NALCN: variants seen among roughly 807,000 people sequenced by gnomAD.
The protein encoded by NALCN is sodium leak channel NALCN.
A neutral mutation model predicts 225.3 loss-of-function variants in NALCN; 111 were observed. That is an observed-to-expected ratio of 0.49 (90% CI 0.42 to 0.58). The LOEUF (loss-of-function observed/expected upper bound fraction) is 0.58, where lower values mean the gene tolerates loss of function less well. Among genes scored for constraint, NALCN ranks in the 20% least tolerant of loss-of-function variants. NALCN has a pLI of 0.00. For synonymous variants in NALCN, 764 were observed against 769.0 expected (o/e 0.99, Z 0.11); for missense variants, 1,378 against 2,202.4 (o/e 0.63, Z 7.49).
At chr13:101,174,216 T>C (rs1193562130) in intron 15 of NALCN, among the ~76,000 whole-genome samples, 3 of 152,144 alleles carry the variant, frequency 2.0e-5, no homozygotes, top group Non-Finnish European at 2.9e-5. Context: ...TAAAGAATAG[T>C]GTAAAAAGTA....
intron 18 of NALCN, among the ~76,000 whole-genome samples, chr13:101,123,665 T>C (rs774909585): frequency 1.3e-5 from 2 of 152,208 alleles, no homozygotes; most frequent in Non-Finnish European, 2.9e-5. Flanking sequence ...TCAGCCAATA[T>C]TGAGAGAAAT....
intron 14 of NALCN, among the ~76,000 whole-genome samples, chr13:101,189,238 A>G (rs2039581150): frequency 6.6e-6 from 1 of 152,284 alleles, no homozygotes; most frequent in Admixed American, 6.5e-5. Flanking sequence ...AAATTATCAG[A>G]GTCATTGCCT....
intron 10 of NALCN, among the ~76,000 whole-genome samples, chr13:101,280,882 C>T (rs508363): frequency 0.28 from 30,039 of 108,222 alleles, 4,309 homozygotes; most frequent in Non-Finnish European, 0.36. Context: ...CTCTCTCTCT[C>T]TTTTTTTTTT....
Position 101,080,632 on chromosome 13 carries a change from A to G in NALCN, c.3885+895T>C, listed in dbSNP as rs1437054272. ...ATATAATCAATTAAATTAATTATTT[A>G]ATTAAATATATTAATATATAATATA... is the stretch of plus-strand genomic sequence containing the variant. On this transcript the variant is annotated intron_variant, in intron 34 of 43. Coordinates refer to ENST00000251127, the MANE Select transcript of NALCN (RefSeq NM_052867.4). Among the ~76,000 whole-genome samples, 4 of 141,218 alleles carry G rather than the reference A, an allele frequency of 2.8e-5. No individual in the cohort carries two copies. In the Admixed American group the frequency reaches 2.8e-4, roughly 10 times the overall value. The allele number at this position is 141,218 out of a possible 152,430, so 92.6% of individuals were successfully genotyped here.
chr13:101,070,090 G>A (rs1276147773), intron 37 of NALCN, among the ~76,000 whole-genome samples: 7 of 10,290 alleles, frequency 6.8e-4, no homozygotes, highest in South Asian at 3.6e-3. Context: ...TTTTTGAGAC[G>A]GAGTCTCACT....
chr13:101,134,654 T>C (rs1009962336), intron 17 of NALCN, among the ~76,000 whole-genome samples: 2 of 152,158 alleles, frequency 1.3e-5, no homozygotes, highest in Non-Finnish European at 2.9e-5. Context: ...TCAACTAACT[T>C]GATATATAGG....
At chr13:101,304,870 C>T (rs551452818) in intron 7 of NALCN, among the ~76,000 whole-genome samples, 89 of 151,604 alleles carry the variant, frequency 5.9e-4, no homozygotes, top group Admixed American at 5.5e-3. Flanking sequence ...ATTCTCCTGC[C>T]TCAGCCTCCC....
Position 101,089,070 on chromosome 13 carries a change from G to C in NALCN, c.3489+593C>G, listed in dbSNP as rs2034081114. Among the ~76,000 whole-genome samples the C allele has an allele frequency of 6.6e-6, 1 of 151,766 alleles. No homozygotes were observed. On this transcript the variant is annotated intron_variant, in intron 30 of 43. Transcript: ENST00000251127. This position sits in a 1 kb window ranked among gnomAD's most constrained non-coding sequence, Gnocchi z 4.7. The stretch of plus-strand genomic sequence containing the variant: ...GCGCCACCACGCCCGGCTAATTTTT[G>C]TATTTTTAGTAGAGACAGGGTTTCA...
At chr13:101,127,042 A>C (rs1022671989) in intron 17 of NALCN, among the ~76,000 whole-genome samples, 1 of 152,194 alleles carries the variant, frequency 6.6e-6, no homozygotes, top group Non-Finnish European at 1.5e-5. Context: ...AAGGACAATG[A>C]CATGTGTTAG....
intron 16 of NALCN, 75 bp from the exon 17 acceptor site, chr13:101,143,296 G>A (rs2037186014): frequency 1.4e-6 from 2 of 1,445,090 alleles, no homozygotes; most frequent in Non-Finnish European, 1.9e-6. Flanking sequence ...GCAATGATGA[G>A]TTTGCTTGAG....
In NALCN at chr13:101,104,968, T is replaced by C. The variant is rs748926675; in HGVS notation, c.2580-18A>G. On this transcript the variant is annotated intron_variant, in intron 22 of 43. Transcript: ENST00000251127. This position sits in a 1 kb window ranked among gnomAD's most constrained non-coding sequence, Gnocchi z 4.2. Reference sequence around the variant, plus strand: ...TTTTAGATCTGTAAGAGAACACATATATAAAATTCTGCAACAAAGCAAGCA... The same window carrying C: ...TTTTAGATCTGTAAGAGAACACATACATAAAATTCTGCAACAAAGCAAGCA... The C allele has an allele frequency of 3.7e-5, 60 of 1,608,156 alleles. No homozygotes were observed. The South Asian group carries it at 6.0e-4, about 16-fold the overall frequency.
At chr13:101,169,399 G>A (rs1340535185) in intron 15 of NALCN, among the ~76,000 whole-genome samples, 3 of 152,118 alleles carry the variant, frequency 2.0e-5, no homozygotes, top group African/African-American at 7.2e-5. Flanking sequence ...TGCAGAATGT[G>A]CAGGTTTGTT....
At chr13:101,288,361 T>G (rs1267334441) in intron 9 of NALCN, among the ~76,000 whole-genome samples, 2 of 152,252 alleles carry the variant, frequency 1.3e-5, no homozygotes, top group Non-Finnish European at 2.9e-5. Context: ...AGTATTTTCT[T>G]TGAGCATTAA....
chr13:101,082,772 AC>A (rs1207969699), intron 33 of NALCN, 36 bp downstream of exon 33: 7 of 1,606,328 alleles, frequency 4.4e-6, no homozygotes, highest in Non-Finnish European at 6.0e-6. Flanking sequence ...AAAACTGTGC[AC>A]AGATTCCCCC....
rs776595371 is a variant in NALCN, at chr13:101,107,742, T to C, written c.2412A>G (p.Glu804=). ...CCTTTTTTTCCTGAATCATCTTTAT[T>C]TCACTGTCTTCTCTTTGTGCATTTC... ...RYRNAQREDS[E]IKMIQEKKEQ... The change falls in exon 21 of 44, where the codon GAA becomes GAG. Residue 804 remains glutamate (E), a synonymous_variant. Coordinates refer to ENST00000251127, the MANE Select transcript of NALCN (RefSeq NM_052867.4). 6 of 1,613,878 alleles carry C rather than the reference T, an allele frequency of 3.7e-6. No individual in the cohort carries two copies. Among genetic ancestry groups the C allele is most frequent in the Non-Finnish European group, 5.1e-6 (6 of 1,179,912 alleles).
intron 17 of NALCN, among the ~76,000 whole-genome samples, chr13:101,134,939 A>C (rs1269286990): frequency 6.6e-6 from 1 of 152,220 alleles, no homozygotes; most frequent in Non-Finnish European, 1.5e-5. Flanking sequence ...TCACGCCTGT[A>C]GTCCCAGCAC....
intron 11 of NALCN, among the ~76,000 whole-genome samples, chr13:101,250,860 C>T (rs1347576501): frequency 1.3e-5 from 2 of 151,326 alleles, no homozygotes; most frequent in Admixed American, 6.6e-5. Context: ...ACAGATTAAA[C>T]AGGCAAAATT....
At chr13:101,276,069 A>AAG (rs1197479363) in intron 10 of NALCN, among the ~76,000 whole-genome samples, 2 of 61,810 alleles carry the variant, frequency 3.2e-5, no homozygotes, top group Non-Finnish European at 6.9e-5. Context: ...TCTCAAAAAA[A>AAG]AAAAAAAAAA....
intron 7 of NALCN, among the ~76,000 whole-genome samples, chr13:101,300,363 T>TTCCTTCCTTCC (rs1555331934): frequency 2.7e-3 from 53 of 19,904 alleles, no homozygotes; most frequent in South Asian, 0.011. Flanking sequence ...TCTTTCTTTC[T>TTCCTTCCTTCC]TTCTTTCCTT....
Sources: allele counts gnomAD v4.1 joint callset (sites outside exome capture counted in the v4.1 genomes callset), GRCh38; gene constraint gnomAD v4.1.1; non-coding constraint Gnocchi (gnomAD v3.1); transcripts MANE v1.5; gene names NCBI Gene and HGNC (gene_info 2026-07-23, HGNC 2026-07-21).